Variants in SATB2 observed in about 807,000 individuals in gnomAD.
The protein encoded by SATB2 is SATB homeobox 2, also known as DNA-binding protein SATB2.
Under a neutral mutation model 73.4 loss-of-function variants are expected in SATB2, and 1 was observed. The ratio of observed to expected loss-of-function variants is 0.01; its 90% CI spans 0.00 to 0.06. SATB2 has a LOEUF of 0.06. Among genes scored for constraint, SATB2 ranks in the 10% least tolerant of loss-of-function variants. SATB2 has a pLI of 1.00. For synonymous variants in SATB2, 397 were observed against 367.0 expected (o/e 1.08, Z -0.93); for missense variants, 459 against 945.8 (o/e 0.49, Z 6.75).
chr2:199,279,789 C>G (rs1006877751), intron 10 of SATB2, among the ~76,000 whole-genome samples: 1 of 152,164 alleles, frequency 6.6e-6, no homozygotes, highest in African/African-American at 2.4e-5. Flanking sequence ...TTTTTTAGAA[C>G]AGAACATAAA....
At chr2:199,331,928 T>C (rs1189535956) in intron 7 of SATB2, among the ~76,000 whole-genome samples, 2 of 152,166 alleles carry the variant, frequency 1.3e-5, no homozygotes, top group Admixed American at 6.6e-5. Context: ...CTTGCCACTA[T>C]GTCATCTGGC....
At chr2:199,378,745 T>C (rs989211138) in intron 5 of SATB2, among the ~76,000 whole-genome samples, 4 of 152,190 alleles carry the variant, frequency 2.6e-5, no homozygotes, top group African/African-American at 9.7e-5. Flanking sequence ...TGGTGCATCA[T>C]TGCATGCCAG....
At chr2:199,355,156 CA>C (rs1558998886) in intron 6 of SATB2, among the ~76,000 whole-genome samples, 1 of 150,042 alleles carries the variant, frequency 6.7e-6, no homozygotes, top group South Asian at 2.1e-4. Flanking sequence ...TTTCAAAACT[CA>C]AAAAATAAAA....
chr2:199,451,091 A>AACACACACACAC (rs56071011), intron 2 of SATB2, among the ~76,000 whole-genome samples: 5 of 139,296 alleles, frequency 3.6e-5, no homozygotes, highest in Admixed American at 7.2e-5. Context: ...ATGTAGTTCC[A>AACACACACACAC]ACACACACAC....
intron 10 of SATB2, among the ~76,000 whole-genome samples, chr2:199,294,763 T>G (rs1214507575): frequency 6.6e-6 from 1 of 152,252 alleles, no homozygotes; most frequent in African/African-American, 2.4e-5. Context: ...ACTGCACTTA[T>G]GCAGTACATG....
rs550677043 is a variant in SATB2 at position 199,321,563 on chromosome 2, C to T, written c.1542+2240G>A. 2.0e-3 allele frequency among the ~76,000 whole-genome samples: 297 copies of T among 151,182 alleles called. 8 individuals carry two copies. In the South Asian group the frequency reaches 0.029, roughly 15 times the overall value. ...ATATGTGTATATATATACACACATA[C>T]ACACACATGTACACACAGGTACACA... On this transcript the variant is annotated intron_variant, in intron 9 of 10. Coordinates refer to ENST00000417098, the MANE Select transcript of SATB2 (RefSeq NM_001172509.2).
chr2:199,326,372 T>G (rs948241494), intron 8 of SATB2, among the ~76,000 whole-genome samples: 3 of 152,156 alleles, frequency 2.0e-5, no homozygotes, highest in African/African-American at 7.2e-5. Context: ...ATTTCCCTGC[T>G]ACACCTATCC....
chr2:199,286,950 G>C (rs1692707519), intron 10 of SATB2, among the ~76,000 whole-genome samples: 1 of 152,124 alleles, frequency 6.6e-6, no homozygotes, highest in Admixed American at 6.6e-5. Flanking sequence ...ACATAACCAG[G>C]TAACTAAATG....
At chr2:199,356,424 A>G (rs2105834515) in intron 6 of SATB2, among the ~76,000 whole-genome samples, 1 of 152,194 alleles carries the variant, frequency 6.6e-6, no homozygotes, top group African/African-American at 2.4e-5. Flanking sequence ...TAGAGCACAG[A>G]AAAAAGATAC....
chr2:199,449,959 G>C (rs995675715), intron 2 of SATB2, among the ~76,000 whole-genome samples: 3 of 151,938 alleles, frequency 2.0e-5, no homozygotes, highest in African/African-American at 7.2e-5. Context: ...TCATTTTTTT[G>C]AGTTAAGCAT....
chr2:199,286,570 G>C (rs1030971445), intron 10 of SATB2, among the ~76,000 whole-genome samples: 1 of 152,058 alleles, frequency 6.6e-6, no homozygotes, highest in African/African-American at 2.4e-5. Context: ...GTGTCCTTAT[G>C]CCTGGGAGAT....
intron 10 of SATB2, among the ~76,000 whole-genome samples, chr2:199,300,471 G>C (rs1687251165): frequency 6.6e-6 from 1 of 151,024 alleles, no homozygotes; most frequent in African/African-American, 2.4e-5. Flanking sequence ...ACATGTCTAA[G>C]GAGTACTTTG....
At chr2:199,355,535 A>G (rs1299349220) in intron 6 of SATB2, among the ~76,000 whole-genome samples, 1 of 152,046 alleles carries the variant, frequency 6.6e-6, no homozygotes, top group Non-Finnish European at 1.5e-5. Context: ...GAAGCACCTG[A>G]TTGGCACAGA....
At chr2:199,320,178 G>T (rs1235524980) in intron 9 of SATB2, among the ~76,000 whole-genome samples, 2 of 152,082 alleles carry the variant, frequency 1.3e-5, no homozygotes, top group Non-Finnish European at 2.9e-5. Context: ...TTGTATGTGA[G>T]GGTCAGACTG....
intron 2 of SATB2, among the ~76,000 whole-genome samples, chr2:199,443,539 C>CAAA (rs10598063): frequency 1.1e-4 from 15 of 133,316 alleles, no homozygotes; most frequent in African/African-American, 4.4e-4. Context: ...AAAGTTATAG[C>CAAA]AAAAAAAAAA....
At chr2:199,414,200 C>T (rs1248040982) in intron 3 of SATB2, among the ~76,000 whole-genome samples, 1 of 152,218 alleles carries the variant, frequency 6.6e-6, no homozygotes, top group East Asian at 1.9e-4. Context: ...TCTCTCTGCC[C>T]ATCAAAATCT....
chr2:199,309,414 G>T (rs1431309481), intron 9 of SATB2, among the ~76,000 whole-genome samples: 1 of 152,194 alleles, frequency 6.6e-6, no homozygotes, highest in East Asian at 1.9e-4. Context: ...CTCTAGGGAG[G>T]AAATATTCTT....
intron 9 of SATB2, among the ~76,000 whole-genome samples, chr2:199,311,881 G>A (rs1687605509): frequency 6.6e-6 from 1 of 152,132 alleles, no homozygotes. Context: ...CTTGTTTGCT[G>A]GCTAATGAAT....
chr2:199,426,201 G>C (rs1691323037), intron 3 of SATB2, among the ~76,000 whole-genome samples: 1 of 152,084 alleles, frequency 6.6e-6, no homozygotes, highest in Non-Finnish European at 1.5e-5. Context: ...GTTTAAAGAA[G>C]AAAAAGTAGA....
Sources: allele counts gnomAD v4.1 joint callset (sites outside exome capture counted in the v4.1 genomes callset), GRCh38; gene constraint gnomAD v4.1.1; transcripts MANE v1.5; gene names NCBI Gene and HGNC (gene_info 2026-07-23, HGNC 2026-07-21).